ERG: variants seen among roughly 807,000 people sequenced by gnomAD.
The protein encoded by ERG is ETS transcription factor ERG, also known as transcriptional regulator ERG.
Under a neutral mutation model 55.3 loss-of-function variants are expected in ERG, and 9 were observed. That is an observed-to-expected ratio of 0.16 (90% CI 0.10 to 0.28). ERG has a LOEUF of 0.28. Ranked by LOEUF, ERG falls within the 10% of genes least tolerant of loss-of-function variation. ERG has a pLI of 1.00. For missense variants in ERG, 434 were observed against 631.6 expected, an observed-to-expected ratio of 0.69 and a Z score of 3.35; for synonymous variants, 223 against 237.3, an observed-to-expected ratio of 0.94 and a Z score of 0.55.
At chr21:38,520,130 CG>C (rs1466096132) in intron 2 of ERG, among the ~76,000 whole-genome samples, 1 of 151,964 alleles carries the variant, frequency 6.6e-6, no homozygotes, top group African/African-American at 2.4e-5. Context: ...GCAGATGAAA[CG>C]GGGGAGAAGG....
chr21:38,453,849 A>C (rs933367555), intron 1 of ERG, among the ~76,000 whole-genome samples: 1 of 146,504 alleles, frequency 6.8e-6, no homozygotes, highest in Non-Finnish European at 1.5e-5. Flanking sequence ...GCGCCACGGC[A>C]CTCTAGCCTG....
intron 3 of ERG, among the ~76,000 whole-genome samples, chr21:38,414,710 C>A (rs1302887024): frequency 6.6e-6 from 1 of 152,270 alleles, no homozygotes; most frequent in Admixed American, 6.5e-5. Flanking sequence ...CTGTGACTCC[C>A]GATCAAGGAC....
downstream of ERG, among the ~76,000 whole-genome samples, chr21:38,377,062 G>A (rs956129364): frequency 6.6e-6 from 1 of 152,240 alleles, no homozygotes; most frequent in Non-Finnish European, 1.5e-5. Flanking sequence ...TTCAAGTCCT[G>A]AAAGCTGTAA....
chr21:38,470,164 T>C (rs2059126679), intron 1 of ERG, among the ~76,000 whole-genome samples: 1 of 152,192 alleles, frequency 6.6e-6, no homozygotes. Context: ...ATGGCTATAA[T>C]GATTGCAGGA....
chr21:38,406,991 T>A (rs943157394), intron 3 of ERG, among the ~76,000 whole-genome samples: 1 of 152,206 alleles, frequency 6.6e-6, no homozygotes, highest in African/African-American at 2.4e-5. Flanking sequence ...GGTAAAAGGC[T>A]GTTCTGGAGT....
chr21:38,413,675 G>C (rs1001878188), intron 3 of ERG, among the ~76,000 whole-genome samples: 2 of 152,116 alleles, frequency 1.3e-5, no homozygotes, highest in African/African-American at 4.8e-5. Context: ...CCATTCTCAA[G>C]TAATCATCTT....
intron 3 of ERG, among the ~76,000 whole-genome samples, chr21:38,418,782 C>A (rs141539979): frequency 2.6e-5 from 4 of 151,732 alleles, no homozygotes; most frequent in African/African-American, 9.7e-5. Context: ...CAAAAATTAG[C>A]CTGGCGTGGT....
At chr21:38,539,103 T>C (rs1482596100) in intron 2 of ERG, among the ~76,000 whole-genome samples, 1 of 152,234 alleles carries the variant, frequency 6.6e-6, no homozygotes, top group Non-Finnish European at 1.5e-5. Context: ...ACTTTAACGA[T>C]GCTGAGGCTG....
intron 2 of ERG, among the ~76,000 whole-genome samples, chr21:38,515,099 G>A (rs1432994223): frequency 8.6e-5 from 13 of 151,860 alleles, no homozygotes. Flanking sequence ...TAAATGGATA[G>A]ATATATTCAT....
intron 1 of ERG, among the ~76,000 whole-genome samples, chr21:38,645,744 C>T (rs1276540863): frequency 1.3e-5 from 2 of 152,172 alleles, no homozygotes; most frequent in African/African-American, 4.8e-5. Context: ...ACAACAAAGA[C>T]AAAAAGCATC....
chr21:38,400,287 C>A, intron 6 of ERG: 2 of 520,602 alleles, frequency 3.8e-6, no homozygotes, highest in Non-Finnish European at 3.6e-6. Context: ...GTTCAAAAGT[C>A]GGCCTATTCC....
At chr21:38,559,360 C>G (rs1467743118) in intron 2 of ERG, among the ~76,000 whole-genome samples, 1 of 149,032 alleles carries the variant, frequency 6.7e-6, no homozygotes, top group African/African-American at 2.5e-5. Context: ...AATAATAGAT[C>G]CTTCTCCATG....
chr21:38,447,610 C>T (rs1365292472), intron 1 of ERG, among the ~76,000 whole-genome samples: 1 of 151,112 alleles, frequency 6.6e-6, no homozygotes, highest in East Asian at 1.9e-4. Flanking sequence ...AATCTAAACA[C>T]ATAGATGTGG....
intron 3 of ERG, among the ~76,000 whole-genome samples, chr21:38,419,585 T>A (rs1396240643): frequency 1.3e-5 from 2 of 152,214 alleles, no homozygotes; most frequent in East Asian, 3.9e-4. Context: ...TTTACTTTAG[T>A]CCATTCTCCA....
chr21:38,457,958 G>A (rs1054546328), intron 1 of ERG, among the ~76,000 whole-genome samples: 4 of 152,146 alleles, frequency 2.6e-5, no homozygotes, highest in East Asian at 1.9e-4. Flanking sequence ...TGCACTTGTC[G>A]CTATTTATTT....
At chr21:38,616,269 C>T (rs1430715392) in intron 1 of ERG, among the ~76,000 whole-genome samples, 2 of 152,118 alleles carry the variant, frequency 1.3e-5, no homozygotes, top group Non-Finnish European at 2.9e-5. Flanking sequence ...TTATAAATTA[C>T]ACAGTCTTGG....
Position 38,380,598 on chromosome 21 carries a change from G to A in ERG, c.*2805C>T. The A allele has an allele frequency of 9.4e-7, 1 of 1,065,684 alleles. No individual in the cohort carries two copies. Among genetic ancestry groups the A allele is most frequent in the South Asian group, 4.5e-5 (1 of 21,990 alleles). 66.0% of individuals were successfully genotyped at this position (1,065,684 alleles called of 1,614,324 possible). A position where few individuals can be genotyped will look rare whatever the true frequency, so the allele number is the denominator to read the frequency against. ...AAAAGGTTCATGCAATTATGAATAT[G>A]ACCTGGAGGGGGCTTTGGAATTAGA... On this transcript the variant is annotated 3_prime_UTR_variant, in exon 10 of 10. Transcript: ENST00000288319.
intron 2 of ERG, among the ~76,000 whole-genome samples, chr21:38,518,051 G>A (rs1211459762): frequency 6.6e-6 from 1 of 152,044 alleles, no homozygotes; most frequent in Non-Finnish European, 1.5e-5. Flanking sequence ...CAGAGTAGCT[G>A]ACTATACTTA....
chr21:38,628,701 T>A (rs2060339604), intron 1 of ERG, among the ~76,000 whole-genome samples: 1 of 152,208 alleles, frequency 6.6e-6, no homozygotes, highest in African/African-American at 2.4e-5. Context: ...ACTTCTCTCA[T>A]GGAACTTCCC....
Sources: gnomAD v4.1 joint callset for allele counts (sites outside exome capture counted in the v4.1 genomes callset) on GRCh38, gnomAD v4.1.1 for gene constraint, MANE v1.5 for transcripts, NCBI Gene and HGNC (gene_info 2026-07-23, HGNC 2026-07-21) for gene names.